The following PBDC1 variants were observed in gnomAD, a reference collection of about 807,000 sequenced individuals.
The protein encoded by PBDC1 is protein PBDC1.
PBDC1 carries 3 observed loss-of-function variants against 12.0 expected under a neutral mutation model. The observed-to-expected ratio is 0.25, with a 90% confidence interval of 0.11 to 0.64. The LOEUF is 0.64. Among genes scored for constraint, PBDC1 ranks in the 30% least tolerant of loss-of-function variants. The pLI is 0.84. For synonymous variants in PBDC1, 64 were observed against 56.4 expected, an observed-to-expected ratio of 1.13 and a Z score of -0.60; for missense variants, 162 against 168.1, an observed-to-expected ratio of 0.96 and a Z score of 0.20.
chrX:76,173,218 A>T (rs1556796590), intron 1 of PBDC1, 50 bp downstream of exon 1: 3 of 1,064,267 alleles, frequency 2.8e-6, no homozygotes, highest in Non-Finnish European at 3.7e-6. Flanking sequence ...AGCCAGGTGG[A>T]GCCTTTTTTT....
Position 76,178,036 on chromosome X carries a change from T to C in PBDC1, c.*128T>C, listed in dbSNP as rs1018383402. Reference sequence around the variant, plus strand: ...CAATTGAAGGATACGCAGAAGGACATCTTTCTAGTCTAACAGTCAGGAGCT... The same window carrying C: ...CAATTGAAGGATACGCAGAAGGACACCTTTCTAGTCTAACAGTCAGGAGCT... On this transcript the variant is annotated 3_prime_UTR_variant, in exon 6 of 6. Transcript: ENST00000373358. 46 of 1,117,984 alleles carry C rather than the reference T, an allele frequency of 4.1e-5. No homozygotes were observed. The highest frequency in any genetic ancestry group is 5.4e-5 in the Non-Finnish European group (45 of 839,623). 92.1% of individuals were successfully genotyped at this position (1,117,984 alleles called of 1,213,427 possible).
rs372900592 is a variant in PBDC1 at position 76,176,865 on chromosome X, G to A, written c.298-16G>A. On this transcript the variant is annotated splice_polypyrimidine_tract_variant and intron_variant, in intron 4 of 5. Transcript: ENST00000373358. ...TCTTGCATTTGTCAGCTAAAGCATCGTTTTTGCCTTTATAGAAGTGGAGGC... is the reference window on the plus strand; with the variant it reads ...TCTTGCATTTGTCAGCTAAAGCATCATTTTTGCCTTTATAGAAGTGGAGGC... 9.9e-6 allele frequency: 11 copies of A among 1,114,725 alleles called. No homozygotes were observed. Among genetic ancestry groups the A allele is most frequent in the African/African-American group, 9.1e-5 (5 of 54,863 alleles). 91.9% of individuals were successfully genotyped at this position (1,114,725 alleles called of 1,213,427 possible).
chrX:76,176,334 T>C (rs1441817274), intron 4 of PBDC1, among the ~76,000 whole-genome samples: 2 of 110,776 alleles, frequency 1.8e-5, no homozygotes, highest in African/African-American at 6.6e-5. Flanking sequence ...TTTGTATTTT[T>C]GGTAGAGACA....
chrX:76,175,457 T>C lies in PBDC1; in HGVS notation c.157-16T>C, dbSNP rs1556796838. The C allele has an allele frequency of 8.3e-7, 1 of 1,202,096 alleles. No individual in the cohort carries two copies. Among genetic ancestry groups the C allele is most frequent in the South Asian group, 1.8e-5 (1 of 56,565 alleles). Reference sequence around the variant, plus strand: ...ATTACAGACTAGCATCTGTATGTTGTCTTACTGTTTCGCAGCTGATTTCAT... The same window carrying C: ...ATTACAGACTAGCATCTGTATGTTGCCTTACTGTTTCGCAGCTGATTTCAT... On this transcript the variant is annotated splice_polypyrimidine_tract_variant and intron_variant, in intron 3 of 5. Coordinates refer to ENST00000373358, the MANE Select transcript of PBDC1 (RefSeq NM_016500.5).
At chrX:76,174,780 A>C in intron 2 of PBDC1, 110 bp from the exon 3 acceptor site, 1 of 574,652 alleles carries the variant, frequency 1.7e-6, no homozygotes, top group Non-Finnish European at 3.0e-6. Flanking sequence ...AGTAACATCA[A>C]GTTTGGTAGC....
At chrX:76,174,450 T>C (rs182700305) in intron 2 of PBDC1, among the ~76,000 whole-genome samples, 73 of 112,117 alleles carry the variant, frequency 6.5e-4, no homozygotes, top group Non-Finnish European at 4.3e-4. Context: ...GTATGGGGAA[T>C]TGGCTGTTTG....
At chrX:76,175,976 C>G (rs782806356) in intron 4 of PBDC1, among the ~76,000 whole-genome samples, 8 of 111,400 alleles carry the variant, frequency 7.2e-5, no homozygotes, top group Non-Finnish European at 1.3e-4. Context: ...CATGTGATTA[C>G]AGGCCATGGG....
At chrX:76,173,518 TGGCCTTGGGGGGAGCCACCGCGCCC>T (rs1416632235) in intron 1 of PBDC1, 42 bp from the exon 2 acceptor site, 36 of 824,001 alleles carry the variant, frequency 4.4e-5, no homozygotes, top group African/African-American at 8.3e-5. Context: ...TCACTGCGAC[TGGCCTTGGGGGGAGCCACCGCGCCC>T]GGCCTTGGGG....
intron 4 of PBDC1, 90 bp from the exon 5 acceptor site, chrX:76,176,791 T>C: frequency 1.8e-6 from 1 of 571,353 alleles, no homozygotes; most frequent in Non-Finnish European, 3.0e-6. Context: ...ATGATTATTT[T>C]CCTTACTGGG....
In PBDC1 at chrX:76,176,971, A is replaced by C; in HGVS notation, c.388A>C (p.Thr130Pro). 1 of 1,180,851 alleles carries C rather than the reference A, an allele frequency of 8.5e-7. No individual in the cohort carries two copies. Among genetic ancestry groups the C allele is most frequent in the Non-Finnish European group, 1.2e-6 (1 of 867,838 alleles). The change falls in exon 5 of 6, where the codon ACT becomes CCT. Residue 130 changes from threonine (T) to proline (P), a missense_variant. By Grantham distance (38) the Thr-to-Pro change is conservative (BLOSUM62 -1). Around this residue, in one of 3 missense-constraint regions of PBDC1, gnomAD observed 100 missense variants for 96.2 expected, o/e 1.04. Transcript: ENST00000373358. ...LLRLDCSQGY[T>P]EENTIFAPRI... ...GCGACTAGATTGTTCTCAGGGCTAC[A>C]CTGAGGAAAACACCATCTTTGGTGA...
chrX:76,173,361 C>T (rs924115699), intron 1 of PBDC1, among the ~76,000 whole-genome samples, 193 bp downstream of exon 1: 12 of 111,224 alleles, frequency 1.1e-4, no homozygotes, highest in African/African-American at 3.3e-4. Context: ...GCTGGGACTA[C>T]AGGCCCGTGC....
Sources: allele counts gnomAD v4.1 joint callset (sites outside exome capture counted in the v4.1 genomes callset), GRCh38; gene constraint gnomAD v4.1.1; regional missense constraint gnomAD v4.1.1; transcripts MANE v1.5; gene names NCBI Gene and HGNC (gene_info 2026-07-23, HGNC 2026-07-21).